BNC2: variants seen among roughly 807,000 people sequenced by gnomAD.
BNC2 encodes basonuclin zinc finger protein 2.
A neutral mutation model predicts 76.3 loss-of-function variants in BNC2; 20 were observed. That is an observed-to-expected ratio of 0.26 (90% CI 0.18 to 0.38). The LOEUF (loss-of-function observed/expected upper bound fraction) is 0.38. Ranked by LOEUF, BNC2 falls within the 10% of genes least tolerant of loss-of-function variation. The pLI is 1.00. For synonymous variants in BNC2, 582 were observed against 514.8 expected (o/e 1.13, Z -1.77); for missense variants, 1,382 against 1,399.8 (o/e 0.99, Z 0.20).
intron 1 of BNC2, among the ~76,000 whole-genome samples, chr9:16,748,710 G>A (rs1825082996): frequency 6.6e-6 from 1 of 151,140 alleles, no homozygotes; most frequent in East Asian, 2.0e-4. Context: ...AGGCATGGTG[G>A]CAGCCGCCTG....
chr9:16,548,568 G>A lies in BNC2; in HGVS notation c.669+3962C>T, dbSNP rs1365725012. Among the ~76,000 whole-genome samples the A allele has an allele frequency of 2.6e-5, 4 of 152,076 alleles. No homozygotes were observed. The East Asian group carries it at 7.7e-4, about 29-fold the overall frequency. On this transcript the variant is annotated intron_variant, in intron 5 of 6. Transcript: ENST00000380672. ...TAACAGGCACATGCCACCATACCCG[G>A]CTAATTTTTGTATTTTAGTAGAGAC...
At chr9:16,849,192 T>G (rs1336206901) in intron 1 of BNC2, among the ~76,000 whole-genome samples, 1 of 152,006 alleles carries the variant, frequency 6.6e-6, no homozygotes, top group Non-Finnish European at 1.5e-5. Context: ...GAGTCAAATT[T>G]ATTTCATTTC....
At chr9:16,777,861 C>T (rs978208137) in intron 1 of BNC2, among the ~76,000 whole-genome samples, 4 of 152,120 alleles carry the variant, frequency 2.6e-5, no homozygotes, top group African/African-American at 9.7e-5. Context: ...TACTCCCATA[C>T]AATGGAATTC....
rs142367505 is a variant in BNC2, at chr9:16,839,298, G to T, written c.3+31348C>A. 3.4e-3 allele frequency among the ~76,000 whole-genome samples: 514 copies of T among 152,282 alleles called. 3 individuals are homozygous for T. Among genetic ancestry groups the T allele is most frequent in the African/African-American group, 0.012 (488 of 41,572 alleles). ...AACTAGCACTCGTTGCTAAGGCTAT[G>T]CATCTTTTAATGCCATGTTTATATT... On this transcript the variant is annotated intron_variant, in intron 1 of 6. Transcript: ENST00000380672.
intron 1 of BNC2, among the ~76,000 whole-genome samples, chr9:16,758,112 T>C (rs920014076): frequency 2.0e-5 from 3 of 152,156 alleles, no homozygotes; most frequent in Admixed American, 2.0e-4. Flanking sequence ...TTTCTCAGCT[T>C]CTATCCGCCA....
intron 5 of BNC2, among the ~76,000 whole-genome samples, chr9:16,461,232 T>C (rs1821572650): frequency 6.6e-6 from 1 of 152,180 alleles, no homozygotes; most frequent in African/African-American, 2.4e-5. Flanking sequence ...AATGATCATT[T>C]TATATCCCTC....
chr9:16,663,145 T>TTTTTTTTTTTTTTC (rs1822162443), intron 3 of BNC2, among the ~76,000 whole-genome samples: 1 of 148,908 alleles, frequency 6.7e-6, no homozygotes, highest in Non-Finnish European at 1.5e-5. Context: ...TTTTTTTTTT[T>TTTTTTTTTTTTTTC]TGGAGACGGA....
At chr9:16,609,058 G>A (rs563730307) in intron 3 of BNC2, among the ~76,000 whole-genome samples, 4 of 152,220 alleles carry the variant, frequency 2.6e-5, no homozygotes, top group South Asian at 2.1e-4. Context: ...TGAAAGATGC[G>A]CAACATGGGC....
chr9:16,695,686 C>G (rs992895208), intron 3 of BNC2, among the ~76,000 whole-genome samples: 2 of 151,944 alleles, frequency 1.3e-5, no homozygotes, highest in African/African-American at 4.8e-5. Context: ...CATTTTCTCT[C>G]TTACACGCAT....
chr9:16,586,817 G>A (rs996287897), intron 3 of BNC2, among the ~76,000 whole-genome samples: 1 of 152,160 alleles, frequency 6.6e-6, no homozygotes, highest in Non-Finnish European at 1.5e-5. Flanking sequence ...GGGTTTGGGG[G>A]CAGTGAGTTT....
Position 16,436,321 on chromosome 9 carries a change from C to T in BNC2, c.1873G>A (p.Ala625Thr), listed in dbSNP as rs757244735. ...AVMMATHEPSADLAPKKKPRK... is the reference protein window; with the variant it reads ...AVMMATHEPSTDLAPKKKPRK... ...GGCTTTTTCTTGGGTGCCAGGTCAGCACTGGGCTCATGGGTGGCCATCATC... is the reference window on the plus strand; with the variant it reads ...GGCTTTTTCTTGGGTGCCAGGTCAGTACTGGGCTCATGGGTGGCCATCATC... The change falls in exon 6 of 7, where the codon GCT (alanine) becomes ACT (threonine). Residue 625 changes from alanine (A) to threonine (T), a missense_variant. Physicochemically the swap from Ala to Thr is moderately conservative, Grantham distance 58 (BLOSUM62 0). Around this residue, in one of 3 missense-constraint regions of BNC2, gnomAD observed 798 missense variants for 775.5 expected, o/e 1.03. Transcript: ENST00000380672. 3.0e-5 allele frequency: 48 copies of T among 1,614,016 alleles called. No individual in the cohort carries two copies. Among genetic ancestry groups the T allele is most frequent in the Non-Finnish European group, 3.0e-5 (35 of 1,180,034 alleles).
At chr9:16,502,262 G>A (rs146149177) in intron 5 of BNC2, among the ~76,000 whole-genome samples, 3 of 152,112 alleles carry the variant, frequency 2.0e-5, no homozygotes, top group Non-Finnish European at 4.4e-5. Context: ...TACTTGGAAG[G>A]ATCACTTGAA....
At chr9:16,786,487 A>T in intron 1 of BNC2, among the ~76,000 whole-genome samples, 1 of 152,238 alleles carries the variant, frequency 6.6e-6, no homozygotes, top group Non-Finnish European at 1.5e-5. Flanking sequence ...CGAGACTTTA[A>T]GAGAAAGATC....
intron 3 of BNC2, among the ~76,000 whole-genome samples, chr9:16,668,015 G>C (rs200048627): frequency 6.6e-6 from 1 of 152,166 alleles, no homozygotes; most frequent in Non-Finnish European, 1.5e-5. Flanking sequence ...TATTAGGTAC[G>C]TTCCTACTAA....
chr9:16,576,341 T>A (rs1021777917), intron 4 of BNC2, among the ~76,000 whole-genome samples: 8 of 152,286 alleles, frequency 5.3e-5, no homozygotes, highest in African/African-American at 1.9e-4. Context: ...AGAATGAGCA[T>A]GATATCACAG....
intron 3 of BNC2, among the ~76,000 whole-genome samples, chr9:16,604,971 A>T (rs1820342122): frequency 6.6e-6 from 1 of 152,188 alleles, no homozygotes; most frequent in Non-Finnish European, 1.5e-5. Flanking sequence ...ACTGTACCAA[A>T]CAAATCCCTC....
intron 3 of BNC2, among the ~76,000 whole-genome samples, chr9:16,605,669 T>A (rs1347952601): frequency 4.6e-5 from 7 of 151,944 alleles, no homozygotes; most frequent in Non-Finnish European, 4.4e-5. Flanking sequence ...AAATATGAAA[T>A]GGAAGTTTAT....
chr9:16,632,915 G>A (rs1821208345), intron 3 of BNC2, among the ~76,000 whole-genome samples: 1 of 152,254 alleles, frequency 6.6e-6, no homozygotes, highest in African/African-American at 2.4e-5. Flanking sequence ...AGGAGGGTAG[G>A]TTTCTTAATA....
At chr9:16,854,764 T>C (rs189691351) in intron 1 of BNC2, among the ~76,000 whole-genome samples, 18 of 151,874 alleles carry the variant, frequency 1.2e-4, no homozygotes, top group African/African-American at 4.1e-4. Context: ...CTTGAGAATA[T>C]TAACGTATCT....
Sources: gnomAD v4.1 joint callset for allele counts (sites outside exome capture counted in the v4.1 genomes callset) on GRCh38, gnomAD v4.1.1 for gene constraint, gnomAD v4.1.1 regional missense constraint, MANE v1.5 for transcripts, NCBI Gene and HGNC (gene_info 2026-07-23, HGNC 2026-07-21) for gene names.